The following LDLRAD4 variants were observed in gnomAD, a reference collection of about 807,000 sequenced individuals.
LDLRAD4 encodes low density lipoprotein receptor class A domain containing 4.
A neutral mutation model predicts 17.0 loss-of-function variants in LDLRAD4; 5 were observed. That is an observed-to-expected ratio of 0.29 (90% CI 0.15 to 0.62). The LOEUF (loss-of-function observed/expected upper bound fraction) is 0.62, where lower values mean the gene tolerates loss of function less well. Among genes scored for constraint, LDLRAD4 ranks in the 20% least tolerant of loss-of-function variants. The pLI is 0.84. For synonymous variants in LDLRAD4, 168 were observed against 171.8 expected (o/e 0.98, Z 0.17); for missense variants, 340 against 424.7 (o/e 0.80, Z 1.75).
At chr18:13,233,028 G>C (rs2042159561) in intron 1 of LDLRAD4, among the ~76,000 whole-genome samples, 1 of 152,182 alleles carries the variant, frequency 6.6e-6, no homozygotes, top group African/African-American at 2.4e-5. Flanking sequence ...GATCTCCCCT[G>C]GTCATGAGTT....
exon 6 of LDLRAD4, chr18:13,647,798 C>T (rs1456564593): frequency 2.0e-5 from 3 of 152,208 alleles, no homozygotes; most frequent in Non-Finnish European, 4.4e-5. Context: ...AGTTGAGAGT[C>T]ACAGTGGAGG....
chr18:13,397,078 C>T (rs765186355), intron 2 of LDLRAD4, among the ~76,000 whole-genome samples: 1 of 152,230 alleles, frequency 6.6e-6, no homozygotes, highest in Non-Finnish European at 1.5e-5. Context: ...GCTGGGTCCG[C>T]CAACCCTGAG....
intron 4 of LDLRAD4, among the ~76,000 whole-genome samples, chr18:13,632,961 A>G (rs1258246241): frequency 6.6e-6 from 1 of 151,988 alleles, no homozygotes; most frequent in African/African-American, 2.4e-5. Context: ...CTGTCTGTCA[A>G]TGGGTAGCTC....
chr18:13,338,914 T>A (rs1244904572), intron 1 of LDLRAD4, among the ~76,000 whole-genome samples: 1 of 152,222 alleles, frequency 6.6e-6, no homozygotes, highest in African/African-American at 2.4e-5. Flanking sequence ...GAGCTGTTAT[T>A]TTTTTGCTTA....
Position 13,353,270 on chromosome 18 carries a change from A to C in LDLRAD4, c.-382-34071A>C, listed in dbSNP as rs372178727. Among the ~76,000 whole-genome samples, 6 of 151,950 alleles carry C rather than the reference A, an allele frequency of 3.9e-5. No individual in the cohort carries two copies. In the East Asian group the frequency reaches 9.6e-4, roughly 24 times the overall value. ...TTTCTAGAGTGGCTTTGTGTTGGGG[A>C]GGACCTTTGGGATCAGCTGAGCTTT... On this transcript the variant is annotated intron_variant, in intron 1 of 5. Coordinates refer to ENST00000359446, the Ensembl canonical transcript of LDLRAD4.
chr18:13,425,310 A>G (rs1268456060), intron 2 of LDLRAD4, among the ~76,000 whole-genome samples: 1 of 152,212 alleles, frequency 6.6e-6, no homozygotes, highest in East Asian at 1.9e-4. Flanking sequence ...TTATACTTAA[A>G]TATAAAGAAA....
At chr18:13,636,087 C>T (rs1438490765) in intron 4 of LDLRAD4, among the ~76,000 whole-genome samples, 1 of 152,142 alleles carries the variant, frequency 6.6e-6, no homozygotes, top group East Asian at 1.9e-4. Context: ...AAAATGTTCT[C>T]ATCCTACTCA....
chr18:13,538,331 A>T (rs1485768659), intron 3 of LDLRAD4, among the ~76,000 whole-genome samples: 1 of 152,212 alleles, frequency 6.6e-6, no homozygotes, highest in Non-Finnish European at 1.5e-5. Context: ...GTAAGCACCA[A>T]TTTAGCTGTA....
chr18:13,580,019 C>T, intron 3 of LDLRAD4, among the ~76,000 whole-genome samples: 1 of 152,178 alleles, frequency 6.6e-6, no homozygotes, highest in East Asian at 1.9e-4. Context: ...TGCATGTCAG[C>T]CATAAATGAG....
At chr18:13,590,073 G>A (rs2094994709) in intron 3 of LDLRAD4, among the ~76,000 whole-genome samples, 1 of 151,328 alleles carries the variant, frequency 6.6e-6, no homozygotes, top group South Asian at 2.1e-4. Flanking sequence ...GCATGTGTGT[G>A]GGTGTGCATG....
At chr18:13,369,398 C>A (rs957947429) in intron 1 of LDLRAD4, among the ~76,000 whole-genome samples, 1 of 152,072 alleles carries the variant, frequency 6.6e-6, no homozygotes, top group Non-Finnish European at 1.5e-5. Flanking sequence ...GCCTGGGGGC[C>A]TGTTGGCCTC....
chr18:13,400,360 T>A (rs2087066450), intron 2 of LDLRAD4, among the ~76,000 whole-genome samples: 1 of 152,178 alleles, frequency 6.6e-6, no homozygotes. Flanking sequence ...CTTTTTAAGA[T>A]CCTGGAGGCC....
intron 2 of LDLRAD4, among the ~76,000 whole-genome samples, chr18:13,417,471 C>T (rs1207170139): frequency 6.8e-6 from 1 of 147,744 alleles, no homozygotes; most frequent in Admixed American, 6.8e-5. Flanking sequence ...CTCACTCTGT[C>T]ACCCAGGCTG....
chr18:13,349,114 G>A (rs2082889809), intron 1 of LDLRAD4, among the ~76,000 whole-genome samples: 2 of 152,222 alleles, frequency 1.3e-5, no homozygotes. Context: ...CCAGTGAGAT[G>A]AACCCGGTAC....
chr18:13,371,511 G>A (rs546916894), intron 1 of LDLRAD4, among the ~76,000 whole-genome samples: 1 of 152,310 alleles, frequency 6.6e-6, no homozygotes, highest in South Asian at 2.1e-4. Context: ...GCTCAAACCT[G>A]TAATCCCAGC....
intron 3 of LDLRAD4, among the ~76,000 whole-genome samples, chr18:13,452,342 G>A (rs932860558): frequency 1.3e-5 from 2 of 152,138 alleles, no homozygotes; most frequent in Non-Finnish European, 2.9e-5. Flanking sequence ...GGAGGATGCA[G>A]CGGGTGCAGA....
chr18:13,246,356 G>A (rs1387145736), intron 1 of LDLRAD4, among the ~76,000 whole-genome samples: 1 of 152,228 alleles, frequency 6.6e-6, no homozygotes, highest in African/African-American at 2.4e-5. Context: ...GCATTCTGGT[G>A]CATTTCTGCA....
intron 3 of LDLRAD4, among the ~76,000 whole-genome samples, chr18:13,458,181 A>C (rs1473683748): frequency 6.6e-6 from 1 of 152,164 alleles, no homozygotes; most frequent in African/African-American, 2.4e-5. Flanking sequence ...CCTGCTGCTG[A>C]TGCTGAGCAG....
At chr18:13,615,964 C>A (rs2148760941) in intron 3 of LDLRAD4, 1 of 152,326 alleles carries the variant, frequency 6.6e-6, no homozygotes, top group Middle Eastern at 3.4e-3. Flanking sequence ...AGCCCCAAAG[C>A]ATCCTATTAA....
Sources: gnomAD v4.1 joint callset for allele counts (sites outside exome capture counted in the v4.1 genomes callset) on GRCh38, gnomAD v4.1.1 for gene constraint, MANE v1.5 for transcripts, NCBI Gene and HGNC (gene_info 2026-07-23, HGNC 2026-07-21) for gene names.